The following SORCS1 variants were observed in gnomAD, a reference collection of about 807,000 sequenced individuals.
The protein encoded by SORCS1 is sortilin related VPS10 domain containing receptor 1, also known as VPS10 domain-containing receptor SorCS1.
SORCS1 carries 60 observed loss-of-function variants against 146.1 expected under a neutral mutation model. That is an observed-to-expected ratio of 0.41 (90% CI 0.33 to 0.51). SORCS1 has a LOEUF of 0.51. SORCS1 is among the 20% of genes least tolerant of loss of function. SORCS1 has a pLI of 0.21. For synonymous variants in SORCS1, 637 were observed against 584.0 expected, an observed-to-expected ratio of 1.09 and a Z score of -1.31; for missense variants, 1,352 against 1,487.6, an observed-to-expected ratio of 0.91 and a Z score of 1.50.
At chr10:106,886,368 C>G (rs1382540743) in intron 2 of SORCS1, among the ~76,000 whole-genome samples, 1 of 152,168 alleles carries the variant, frequency 6.6e-6, no homozygotes, top group Non-Finnish European at 1.5e-5. Context: ...GACTAATACA[C>G]CATGGTGGAT....
intron 1 of SORCS1, among the ~76,000 whole-genome samples, chr10:107,015,547 G>T (rs533668893): frequency 3.3e-5 from 5 of 152,140 alleles, no homozygotes; most frequent in South Asian, 2.1e-4. Context: ...TGACAGTTCT[G>T]GAATCAAAAT....
rs1283025062 is a variant in SORCS1 at position 106,988,224 on chromosome 10, C to T, written c.559-31644G>A. 5.9e-5 allele frequency among the ~76,000 whole-genome samples: 9 copies of T among 152,222 alleles called. No individual in the cohort carries two copies. The East Asian group carries it at 1.5e-3, about 26-fold the overall frequency. On this transcript the variant is annotated intron_variant, in intron 1 of 25. Transcript: ENST00000263054. Reference sequence around the variant, plus strand: ...AGAGTCATGCCATACTCACTTCCACCTGGGGAGCAAAGGAATCTAGCCACT... The same window carrying T: ...AGAGTCATGCCATACTCACTTCCACTTGGGGAGCAAAGGAATCTAGCCACT...
At chr10:106,837,906 G>C (rs1948850720) in intron 2 of SORCS1, among the ~76,000 whole-genome samples, 1 of 151,868 alleles carries the variant, frequency 6.6e-6, no homozygotes, top group African/African-American at 2.4e-5. Flanking sequence ...CCCTTCCTAG[G>C]TGCTTTTATT....
At chr10:107,043,552 C>T (rs1229016108) in intron 1 of SORCS1, among the ~76,000 whole-genome samples, 1 of 152,148 alleles carries the variant, frequency 6.6e-6, no homozygotes, top group Non-Finnish European at 1.5e-5. Flanking sequence ...AACAAGTTAA[C>T]GAGTCTTGGT....
At chr10:106,664,972 T>C (rs1012718006) in intron 17 of SORCS1, among the ~76,000 whole-genome samples, 1 of 152,158 alleles carries the variant, frequency 6.6e-6, no homozygotes, top group African/African-American at 2.4e-5. Context: ...TTCATTTTTT[T>C]CCTCCATGGT....
intron 2 of SORCS1, among the ~76,000 whole-genome samples, chr10:106,923,941 C>A (rs1952850672): frequency 6.6e-6 from 1 of 152,252 alleles, no homozygotes; most frequent in African/African-American, 2.4e-5. Context: ...ACTGTCTTCT[C>A]ATTCTTTTGA....
In SORCS1 at chr10:106,702,110, C is replaced by T. The variant is rs574798633; in HGVS notation, c.1234-2717G>A. ...TTCTTTGAACCAGGAGAAGCTATAC[C>T]CAAGTGTTTGGTTTCTTTCTAATGG... On this transcript the variant is annotated intron_variant, in intron 8 of 25. Coordinates refer to ENST00000263054, the MANE Select transcript of SORCS1 (RefSeq NM_052918.5). Among the ~76,000 whole-genome samples the T allele has an allele frequency of 4.6e-5, 7 of 152,150 alleles. No individual in the cohort carries two copies. In the South Asian group the frequency reaches 1.5e-3, roughly 32 times the overall value.
chr10:106,798,243 G>A (rs758039941), intron 3 of SORCS1, among the ~76,000 whole-genome samples: 3 of 152,218 alleles, frequency 2.0e-5, no homozygotes, highest in African/African-American at 7.2e-5. Flanking sequence ...CCCCAGCCCC[G>A]TGCAACTTTA....
chr10:106,681,490 A>G (rs764095906), intron 10 of SORCS1, among the ~76,000 whole-genome samples: 5 of 152,238 alleles, frequency 3.3e-5, no homozygotes, highest in South Asian at 2.1e-4. Context: ...AGAAGCTTGC[A>G]ATATCAAGTA....
intron 1 of SORCS1, among the ~76,000 whole-genome samples, chr10:107,020,374 C>G (rs1248728858): frequency 6.6e-6 from 1 of 152,186 alleles, no homozygotes; most frequent in Non-Finnish European, 1.5e-5. Context: ...TCTGGAATAT[C>G]TGTCCTCTTC....
chr10:106,718,649 T>TG (rs1159488064), intron 6 of SORCS1, among the ~76,000 whole-genome samples: 1 of 152,256 alleles, frequency 6.6e-6, no homozygotes, highest in Admixed American at 6.5e-5. Flanking sequence ...CACTGCTGGC[T>TG]GGGGTGGCCA....
intron 17 of SORCS1, among the ~76,000 whole-genome samples, chr10:106,662,707 T>C (rs1850827927): frequency 6.6e-6 from 1 of 152,164 alleles, no homozygotes; most frequent in African/African-American, 2.4e-5. Context: ...AAAACTACTA[T>C]TGTGGCCCTT....
chr10:106,878,379 C>T (rs1171399153), intron 2 of SORCS1, among the ~76,000 whole-genome samples: 1 of 151,430 alleles, frequency 6.6e-6, no homozygotes, highest in South Asian at 2.1e-4. Context: ...ACCTAATTAC[C>T]AATACAATGG....
At chr10:107,171,533 T>TTTC in the SORCS1 span, among the ~76,000 whole-genome samples, 1 of 150,752 alleles carries the variant, frequency 6.6e-6, no homozygotes, top group Non-Finnish European at 1.5e-5. Context: ...TTTTTTTTTT[T>TTTC]TGGCACAGAG....
chr10:106,757,709 C>A (rs568735150), intron 5 of SORCS1, among the ~76,000 whole-genome samples: 1 of 152,348 alleles, frequency 6.6e-6, no homozygotes, highest in Non-Finnish European at 1.5e-5. Flanking sequence ...TGGGCTCTCA[C>A]CACTGATATG....
chr10:107,087,424 A>G (rs1006580951), intron 1 of SORCS1, among the ~76,000 whole-genome samples: 2 of 152,226 alleles, frequency 1.3e-5, no homozygotes, highest in Non-Finnish European at 2.9e-5. Context: ...AATGTAATAT[A>G]ATGGAAAGTT....
At chr10:107,055,124 A>C (rs1960485622) in intron 1 of SORCS1, among the ~76,000 whole-genome samples, 1 of 152,210 alleles carries the variant, frequency 6.6e-6, no homozygotes, top group Non-Finnish European at 1.5e-5. Flanking sequence ...GGAGGTCTTC[A>C]TGGAGAGAGA....
At chr10:106,775,776 T>C (rs1319824510) in intron 4 of SORCS1, among the ~76,000 whole-genome samples, 1 of 152,242 alleles carries the variant, frequency 6.6e-6, no homozygotes, top group Non-Finnish European at 1.5e-5. Flanking sequence ...CCTGTGTAAA[T>C]GCTGTTTCTT....
At chr10:106,640,064 T>A (rs2133665228) in intron 18 of SORCS1, among the ~76,000 whole-genome samples, 1 of 152,060 alleles carries the variant, frequency 6.6e-6, no homozygotes, top group African/African-American at 2.4e-5. Flanking sequence ...CATAACACTG[T>A]TTATTAACCC....
Sources: gnomAD v4.1 joint callset for allele counts (sites outside exome capture counted in the v4.1 genomes callset) on GRCh38, gnomAD v4.1.1 for gene constraint, MANE v1.5 for transcripts, NCBI Gene and HGNC (gene_info 2026-07-23, HGNC 2026-07-21) for gene names.